ZNF275: variants seen among roughly 807,000 people sequenced by gnomAD.
ZNF275 encodes the protein zinc finger protein 275.
In ZNF275, 4 loss-of-function variants were observed where a neutral mutation model predicts 4.3. The observed-to-expected ratio is 0.93, with a 90% CI of 0.46 to 2.13. The LOEUF is 2.13. Among genes scored for constraint, ZNF275 ranks in the 30% most tolerant of loss-of-function variants. ZNF275 has a pLI of 0.02. For synonymous variants in ZNF275, 173 were observed against 166.9 expected (o/e 1.04, Z -0.28); for missense variants, 352 against 397.1 (o/e 0.89, Z 0.97).
intron 2 of ZNF275, chrX:153,344,222 G>T (rs952096099): frequency 1.5e-5 from 5 of 324,501 alleles, no homozygotes; most frequent in Non-Finnish European, 3.0e-5. Context: ...GGTGAGCTGT[G>T]CTTCCCTCTG....
chrX:153,343,460 T>C (rs782214101), intron 2 of ZNF275: 1 of 344,208 alleles, frequency 2.9e-6, no homozygotes, highest in Non-Finnish European at 5.7e-6. Context: ...AAGAAGATAA[T>C]TTGTACAAAT....
intron 1 of ZNF275, among the ~76,000 whole-genome samples, chrX:153,334,829 T>C (rs1282138831): frequency 1.1e-5 from 1 of 91,410 alleles, no homozygotes; most frequent in African/African-American, 4.0e-5. Context: ...TGGGAACAGT[T>C]CCCGCTGGGG....
intron 2 of ZNF275, chrX:153,344,962 C>G (rs2088503285): frequency 9.1e-6 from 2 of 220,881 alleles, no homozygotes; most frequent in Non-Finnish European, 1.7e-5. Flanking sequence ...GAAAGAACCC[C>G]TCTCAGTCTT....
At chrX:153,345,128 A>C (rs781895516) in intron 2 of ZNF275, 20 of 197,282 alleles carry the variant, frequency 1.0e-4, no homozygotes, top group Non-Finnish European at 1.8e-4. Flanking sequence ...AGGGGTCTGC[A>C]TGTGTGCAGT....
At chrX:153,336,752 G>A (rs1476337802) in intron 2 of ZNF275, 42 bp downstream of exon 2, 3 of 1,148,443 alleles carry the variant, frequency 2.6e-6, no homozygotes, top group East Asian at 3.3e-5. Context: ...TGGCTTTGAC[G>A]CTGGGCATGC....
rs1013971691 is a variant in ZNF275, at chrX:153,350,272, G to A, written c.*2297G>A. 2 of 123,807 alleles carry A rather than the reference G, an allele frequency of 1.6e-5. No individual in the cohort carries two copies. Among genetic ancestry groups the A allele is most frequent in the East Asian group, 2.8e-4 (1 of 3,555 alleles). 10.2% of individuals were successfully genotyped at this position (123,807 alleles called of 1,213,427 possible). On this transcript the variant is annotated 3_prime_UTR_variant, in exon 4 of 4. Transcript: ENST00000650114. The stretch of plus-strand genomic sequence containing the variant: ...GCTCGGAGAGGAACCCTGCCCCTCC[G>A]ATGGCTTGTGCGTTATGCTGATAGA...
rs955005023 is a variant in ZNF275 at position 153,347,034 on chromosome X, G to T, written c.349G>T (p.Val117Phe). 16 of 1,209,444 alleles carry T rather than the reference G, an allele frequency of 1.3e-5. No homozygotes were observed. Among genetic ancestry groups the T allele is most frequent in the African/African-American group, 1.8e-5 (1 of 56,963 alleles). Residue 117 changes from valine (V) to phenylalanine (F), a missense_variant, in exon 4 of 4, where the codon GTC becomes TTC. Val to Phe is a conservative substitution (Grantham distance 50, BLOSUM62 -1). Coordinates refer to ENST00000650114, the MANE Select transcript of ZNF275 (RefSeq NM_001367757.1). ...GDTFRLKVLL[V>F]QHQRVHSEEK... ...CACCTTTCGGCTTAAAGTCCTGCTT[G>T]TCCAGCACCAGAGAGTCCACAGTGA...
At position 153,347,766 on chromosome X, in the gene ZNF275, C is replaced by T. The variant is rs2088529608; in HGVS notation, c.1081C>T (p.Pro361Ser). 1.2e-5 allele frequency: 15 copies of T among 1,207,122 alleles called. No homozygotes were observed. The highest frequency in any genetic ancestry group is 1.6e-5 in the Non-Finnish European group (14 of 892,799). ...CGECGKAFRGPSDLIKHRRIH... is the reference protein window; with the variant it reads ...CGECGKAFRGSSDLIKHRRIH... ...CGAGTGTGGCAAGGCCTTCCGTGGG[C>T]CCTCTGACCTCATCAAGCACCGGCG... is the stretch of plus-strand genomic sequence containing the variant. The change falls in exon 4 of 4, where the codon CCC becomes TCC. Residue 361 changes from proline to serine, a missense_variant. Pro to Ser is a moderately conservative substitution (Grantham distance 74). Transcript: ENST00000650114.
chrX:153,347,635 G>A lies in ZNF275; in HGVS notation c.950G>A (p.Gly317Asp), dbSNP rs782808338. The A allele has an allele frequency of 1.7e-6, 2 of 1,204,170 alleles. No homozygotes were observed. Among genetic ancestry groups the A allele is most frequent in the Non-Finnish European group, 2.2e-6 (2 of 891,856 alleles). Residue 317 changes from glycine to aspartate, a missense_variant, in exon 4 of 4, where the codon GGC becomes GAC. By Grantham distance (94) the Gly-to-Asp change is moderately conservative. Transcript: ENST00000650114. The stretch of plus-strand genomic sequence containing the variant: ...ACCAAGCACCGGCGGATCCACACGG[G>A]CGAGAAGCCCTACGCCTGCGGCCAG... Reference protein sequence around the residue: ...ELTKHRRIHTGEKPYACGQCG... With the variant: ...ELTKHRRIHTDEKPYACGQCG...
At position 153,347,228 on chromosome X, in the gene ZNF275, C is replaced by T. The variant is rs2088523161; in HGVS notation, c.543C>T (p.Phe181=). ...REQMEREAKP[F]ECEECGKRFK... is the part of the protein sequence containing the mutation. ...AGATGGAGAGGGAGGCAAAGCCCTT[C>T]GAGTGCGAGGAGTGCGGAAAACGGT... Residue 181 remains phenylalanine (F), a synonymous_variant, in exon 4 of 4, where the codon TTC becomes TTT. Coordinates refer to ENST00000650114, the MANE Select transcript of ZNF275 (RefSeq NM_001367757.1). The T allele has an allele frequency of 1.7e-6, 2 of 1,210,370 alleles. No individual in the cohort carries two copies. The highest frequency in any genetic ancestry group is 2.3e-4 in the Middle Eastern group (1 of 4,349).
In ZNF275 at chrX:153,352,303, G is replaced by C. The variant is rs1556962454; in HGVS notation, c.*4328G>C. The stretch of plus-strand genomic sequence containing the variant: ...GTCGCACCTGACTGCATGAACACCT[G>C]TTCAAACGTGTGTTCTCTGTTCTCT... On this transcript the variant is annotated 3_prime_UTR_variant, in exon 4 of 4. Coordinates refer to ENST00000650114, the MANE Select transcript of ZNF275 (RefSeq NM_001367757.1). The C allele has an allele frequency of 2.7e-5, 3 of 111,973 alleles. No homozygotes were observed. Among genetic ancestry groups the C allele is most frequent in the Non-Finnish European group, 3.8e-5 (2 of 53,185 alleles). 9.2% of individuals were successfully genotyped at this position (111,973 alleles called of 1,213,427 possible).
At chrX:153,334,871 T>TGGGGGGGGGGAG (rs34010706) in intron 1 of ZNF275, among the ~76,000 whole-genome samples, 1 of 55,105 alleles carries the variant, frequency 1.8e-5, no homozygotes, top group African/African-American at 6.4e-5. Context: ...TGGGTGGGAG[T>TGGGGGGGGGGAG]GGGGGGGGGC....
chrX:153,343,835 T>C (rs1040629157), intron 2 of ZNF275, among the ~76,000 whole-genome samples: 8 of 112,421 alleles, frequency 7.1e-5, no homozygotes, highest in Non-Finnish European at 1.1e-4. Context: ...TCCCTGCCCT[T>C]GGCTTTCTGT....
At position 153,347,801 on chromosome X, in the gene ZNF275, C is replaced by A. The variant is rs376449618; in HGVS notation, c.1116C>A (p.Ser372Arg). ...TCATCAAGCACCGGCGCATCCACAG[C>A]GGACTGAAACCCTATGAGTGCGACA... The part of the protein sequence containing the change: ...SDLIKHRRIH[S>R]GLKPYECDKC... The change falls in exon 4 of 4, where the codon AGC (serine) becomes AGA (arginine). Residue 372 changes from serine (S) to arginine (R), a missense_variant. Coordinates refer to ENST00000650114, the MANE Select transcript of ZNF275 (RefSeq NM_001367757.1). 1 of 1,209,005 alleles carries A rather than the reference C, an allele frequency of 8.3e-7. No homozygotes were observed. The highest frequency in any genetic ancestry group is 1.1e-6 in the Non-Finnish European group (1 of 893,874).
rs924416326 is a variant in ZNF275 at position 153,340,132 on chromosome X, C to T, written c.31+3422C>T. ...GAGGAATCCAACGGACCAGCAGGGCCCTGCCCGGGTGACAGTGGGACAGAG... is the reference window on the plus strand; with the variant it reads ...GAGGAATCCAACGGACCAGCAGGGCTCTGCCCGGGTGACAGTGGGACAGAG... On this transcript the variant is annotated intron_variant, in intron 2 of 3. Transcript: ENST00000650114. Among the ~76,000 whole-genome samples the T allele has an allele frequency of 6.2e-5, 7 of 112,212 alleles. No homozygotes were observed. The East Asian group carries it at 2.0e-3, about 32-fold the overall frequency.
intron 2 of ZNF275, among the ~76,000 whole-genome samples, chrX:153,340,962 G>A (rs782448928): frequency 2.3e-3 from 263 of 112,000 alleles, no homozygotes; most frequent in Non-Finnish European, 3.6e-3. Context: ...TAGGACTCTG[G>A]TAGTGTCTCC....
chrX:153,334,741 G>C (rs2088432856), intron 1 of ZNF275, among the ~76,000 whole-genome samples: 1 of 110,859 alleles, frequency 9.0e-6, no homozygotes, highest in Non-Finnish European at 1.9e-5. Flanking sequence ...GGCATTGTAG[G>C]GGTGGGGGTT....
chrX:153,352,914 A>T lies in ZNF275; in HGVS notation c.*4939A>T, dbSNP rs990362256. On this transcript the variant is annotated 3_prime_UTR_variant, in exon 4 of 4. Coordinates refer to ENST00000650114, the MANE Select transcript of ZNF275 (RefSeq NM_001367757.1). Reference sequence around the variant, plus strand: ...GCATCAAGTAGATTTCAATAAATATATGTTAAATGGCATTGGTCTTCCTTG... The same window carrying T: ...GCATCAAGTAGATTTCAATAAATATTTGTTAAATGGCATTGGTCTTCCTTG... The T allele has an allele frequency of 9.0e-6, 1 of 111,713 alleles. No homozygotes were observed. Among genetic ancestry groups the T allele is most frequent in the African/African-American group, 3.3e-5 (1 of 30,684 alleles). The allele number at this position is 111,713 out of a possible 1,213,427, so 9.2% of individuals were successfully genotyped here. A position where few individuals can be genotyped will look rare whatever the true frequency, so the allele number is the denominator to read the frequency against.
chrX:153,352,303 G>A lies in ZNF275; in HGVS notation c.*4328G>A, dbSNP rs1556962454. 8.9e-6 allele frequency: 1 copy of A among 111,973 alleles called. No individual in the cohort carries two copies. Among genetic ancestry groups the A allele is most frequent in the South Asian group, 3.8e-4 (1 of 2,665 alleles). The allele number at this position is 111,973 out of a possible 1,213,427, so 9.2% of individuals were successfully genotyped here. On this transcript the variant is annotated 3_prime_UTR_variant, in exon 4 of 4. Coordinates refer to ENST00000650114, the MANE Select transcript of ZNF275 (RefSeq NM_001367757.1). ...GTCGCACCTGACTGCATGAACACCT[G>A]TTCAAACGTGTGTTCTCTGTTCTCT...
Sources: allele counts gnomAD v4.1 joint callset (sites outside exome capture counted in the v4.1 genomes callset), GRCh38; gene constraint gnomAD v4.1.1; transcripts MANE v1.5; gene names NCBI Gene and HGNC (gene_info 2026-07-23, HGNC 2026-07-21).